RBMS3: variants seen among roughly 807,000 people sequenced by gnomAD.
RBMS3 encodes the protein RNA-binding motif, single-stranded-interacting protein 3.
Under a neutral mutation model 66.8 loss-of-function variants are expected in RBMS3, and 27 were observed. The observed-to-expected ratio is 0.40, with a 90% CI of 0.30 to 0.56. The LOEUF (loss-of-function observed/expected upper bound fraction) is 0.56. Ranked by LOEUF, RBMS3 falls within the 20% of genes least tolerant of loss-of-function variation. The pLI, the probability that RBMS3 is intolerant of heterozygous loss-of-function variation, is 0.40. For missense variants in RBMS3, 513 were observed against 549.5 expected (o/e 0.93, Z 0.66); for synonymous variants, 188 against 183.0 (o/e 1.03, Z -0.22).
At chr3:29,474,459 C>T (rs187738378) in intron 2 of RBMS3, among the ~76,000 whole-genome samples, 461 of 152,278 alleles carry the variant, frequency 3.0e-3, no homozygotes, top group Middle Eastern at 6.8e-3. Flanking sequence ...ATAATTTTAT[C>T]TGATGTGGAT....
At chr3:29,988,469 T>A (rs1698586533) in intron 13 of RBMS3, among the ~76,000 whole-genome samples, 1 of 152,188 alleles carries the variant, frequency 6.6e-6, no homozygotes, top group African/African-American at 2.4e-5. Flanking sequence ...TAGAGAAAAT[T>A]CCAGAGGCCA....
intron 2 of RBMS3, among the ~76,000 whole-genome samples, chr3:29,475,964 C>G (rs1046518031): frequency 6.6e-6 from 1 of 152,130 alleles, no homozygotes; most frequent in Non-Finnish European, 1.5e-5. Flanking sequence ...TTGCATTTTT[C>G]CTTCAGCCCA....
intron 4 of RBMS3, among the ~76,000 whole-genome samples, chr3:29,680,811 T>C (rs1471565296): frequency 6.6e-6 from 1 of 152,204 alleles, no homozygotes; most frequent in Admixed American, 6.5e-5. Context: ...AGCATGTATA[T>C]CATCAACTAG....
chr3:29,750,358 A>G (rs2055118333), intron 5 of RBMS3, among the ~76,000 whole-genome samples: 1 of 152,206 alleles, frequency 6.6e-6, no homozygotes, highest in Non-Finnish European at 1.5e-5. Flanking sequence ...TTGTCTGTGG[A>G]TGACAAAAAG....
chr3:29,308,757 A>C (rs756921642), intron 1 of RBMS3, among the ~76,000 whole-genome samples: 28 of 6,392 alleles, frequency 4.4e-3, no homozygotes, highest in South Asian at 0.017. Flanking sequence ...AAAAAAAAAC[A>C]AAAAAAAAAA....
At chr3:29,560,357 A>G (rs1407791806) in intron 3 of RBMS3, among the ~76,000 whole-genome samples, 1 of 152,126 alleles carries the variant, frequency 6.6e-6, no homozygotes, top group African/African-American at 2.4e-5. Context: ...ATGGTCCTTT[A>G]TGTTTTTCAG....
In RBMS3 at chr3:29,281,447, GT is replaced by G; in HGVS notation, c.-229del. On this transcript the variant is annotated 5_prime_UTR_variant, in exon 1 of 15. Transcript: ENST00000383767. The stretch of plus-strand genomic sequence containing the variant: ...AGATCTGGGAAGGCTGTGTGTGGGT[GT>G]TTTTTCTACAGATCTCACTCCTCGC... The G allele has an allele frequency of 1.9e-6, 1 of 536,510 alleles. No individual in the cohort carries two copies. Among genetic ancestry groups the G allele is most frequent in the Non-Finnish European group, 3.2e-6 (1 of 308,590 alleles). 33.2% of individuals were successfully genotyped at this position (536,510 alleles called of 1,614,324 possible).
At chr3:29,463,596 A>G (rs1012442006) in intron 2 of RBMS3, among the ~76,000 whole-genome samples, 2 of 142,602 alleles carry the variant, frequency 1.4e-5, no homozygotes, top group African/African-American at 5.3e-5. Flanking sequence ...TACTAGGATT[A>G]TGTATTTCTG....
chr3:29,375,255 C>G (rs763206848), intron 1 of RBMS3, among the ~76,000 whole-genome samples: 5 of 152,134 alleles, frequency 3.3e-5, no homozygotes, highest in Non-Finnish European at 5.9e-5. Flanking sequence ...TGTAAAAATC[C>G]TAGAAGAAAA....
At chr3:29,763,018 T>C (rs1371840) in intron 6 of RBMS3, 29 bp downstream of exon 6, 632,420 of 1,461,458 alleles carry the variant, frequency 0.43, 139,922 homozygotes, top group African/African-American at 0.63. Flanking sequence ...AGTGACTGAA[T>C]GATGCCGAGG....
At chr3:29,491,527 C>A (rs542069239) in intron 3 of RBMS3, among the ~76,000 whole-genome samples, 2 of 152,174 alleles carry the variant, frequency 1.3e-5, no homozygotes, top group South Asian at 4.1e-4. Context: ...GAGTTTGCTG[C>A]TTCAAAATAC....
chr3:29,676,093 C>T (rs2051235623), intron 4 of RBMS3, among the ~76,000 whole-genome samples: 1 of 152,096 alleles, frequency 6.6e-6, no homozygotes, highest in Non-Finnish European at 1.5e-5. Context: ...TACTATGCAG[C>T]CATAAAAAAG....
intron 12 of RBMS3, among the ~76,000 whole-genome samples, chr3:29,946,128 A>C (rs1422773836): frequency 6.6e-6 from 1 of 151,750 alleles, no homozygotes; most frequent in African/African-American, 2.4e-5. Flanking sequence ...TAAGTTTCAC[A>C]GACTTCTTTG....
At chr3:29,427,121 T>C (rs1384784132) in intron 1 of RBMS3, among the ~76,000 whole-genome samples, 3 of 152,240 alleles carry the variant, frequency 2.0e-5, no homozygotes, top group African/African-American at 7.2e-5. Context: ...TGAGGAGTTT[T>C]GTCTTTTATT....
chr3:29,334,592 C>T (rs2035843356), intron 1 of RBMS3, among the ~76,000 whole-genome samples: 1 of 152,020 alleles, frequency 6.6e-6, no homozygotes, highest in Non-Finnish European at 1.5e-5. Flanking sequence ...GTCTGACACA[C>T]TAAATATGGA....
intron 12 of RBMS3, among the ~76,000 whole-genome samples, chr3:29,971,302 A>G (rs1161824387): frequency 2.0e-5 from 3 of 152,166 alleles, no homozygotes; most frequent in African/African-American, 7.2e-5. Flanking sequence ...CATGTTGTCA[A>G]GAGCTTCCTA....
At chr3:29,405,067 C>G (rs999501692) in intron 1 of RBMS3, among the ~76,000 whole-genome samples, 3 of 152,064 alleles carry the variant, frequency 2.0e-5, no homozygotes, top group Admixed American at 2.0e-4. Flanking sequence ...TCACTTCTTG[C>G]CTAGGGTTTA....
At chr3:29,623,071 A>G (rs1341201476) in intron 4 of RBMS3, among the ~76,000 whole-genome samples, 1 of 146,124 alleles carries the variant, frequency 6.8e-6, no homozygotes, top group Non-Finnish European at 1.5e-5. Context: ...AGATCGTACC[A>G]CTGCACTTCA....
intron 1 of RBMS3, among the ~76,000 whole-genome samples, chr3:29,395,399 G>C (rs2039500560): frequency 6.6e-6 from 1 of 152,144 alleles, no homozygotes; most frequent in Non-Finnish European, 1.5e-5. Context: ...GTGGTCATAA[G>C]AAATACTTAG....
Sources: gnomAD v4.1 joint callset for allele counts (sites outside exome capture counted in the v4.1 genomes callset) on GRCh38, gnomAD v4.1.1 for gene constraint, MANE v1.5 for transcripts, NCBI Gene and HGNC (gene_info 2026-07-23, HGNC 2026-07-21) for gene names.